MTPN: variants seen among roughly 807,000 people sequenced by gnomAD.
MTPN encodes granule cell differentiation protein.
Under a neutral mutation model 13.5 loss-of-function variants are expected in MTPN, and 2 were observed. That is an observed-to-expected ratio of 0.15 (90% confidence interval 0.06 to 0.47). MTPN has a LOEUF of 0.47. MTPN is among the 20% of genes least tolerant of loss of function. MTPN has a pLI of 0.97. For missense variants in MTPN, 79 were observed against 137.9 expected (o/e 0.57, Z 2.14); for synonymous variants, 46 against 51.7 (o/e 0.89, Z 0.48).
intron 1 of MTPN, among the ~76,000 whole-genome samples, chr7:135,956,463 T>C (rs1394263756): frequency 1.3e-5 from 2 of 152,232 alleles, no homozygotes; most frequent in Non-Finnish European, 2.9e-5. Flanking sequence ...CCTTTTCCTC[T>C]GGCTCTTCCA....
In MTPN at chr7:135,972,229, G is replaced by A. The variant is rs571694156; in HGVS notation, c.72+4800C>T. Among the ~76,000 whole-genome samples the A allele has an allele frequency of 2.3e-3, 273 of 117,390 alleles. 2 individuals carry two copies. The highest frequency in any genetic ancestry group is 8.2e-3 in the African/African-American group (252 of 30,754). 77.0% of individuals were successfully genotyped at this position (117,390 alleles called of 152,430 possible). A position where few individuals can be genotyped will look rare whatever the true frequency, so the allele number is the denominator to read the frequency against. ...TACACACGCGCACACGCGCACGCGC[G>A]CGCACACACACACACACACACACAC... On this transcript the variant is annotated intron_variant, in intron 1 of 3. Coordinates refer to ENST00000393085, the MANE Select transcript of MTPN (RefSeq NM_145808.4).
At chr7:135,940,618 G>T (rs1287797823) in intron 3 of MTPN, among the ~76,000 whole-genome samples, 3 of 152,104 alleles carry the variant, frequency 2.0e-5, no homozygotes, top group Non-Finnish European at 4.4e-5. Flanking sequence ...CTTGCCCAAG[G>T]TCAGTCAACA....
intron 3 of MTPN, among the ~76,000 whole-genome samples, chr7:135,939,369 C>G (rs905674041): frequency 6.6e-6 from 1 of 152,048 alleles, no homozygotes; most frequent in Non-Finnish European, 1.5e-5. Flanking sequence ...GCATCTGACA[C>G]AACCCACTTC....
At chr7:135,941,770 A>C (rs1045955277) in intron 3 of MTPN, among the ~76,000 whole-genome samples, 2 of 152,302 alleles carry the variant, frequency 1.3e-5, no homozygotes, top group Middle Eastern at 6.8e-3. Context: ...TAGAAAGATC[A>C]TTTCAAGGTT....
At chr7:135,931,279 T>C (rs759771942) in intron 3 of MTPN, among the ~76,000 whole-genome samples, 4 of 152,046 alleles carry the variant, frequency 2.6e-5, no homozygotes, top group Non-Finnish European at 4.4e-5. Context: ...AACACAACAC[T>C]ATGGGAAGAG....
At chr7:135,954,225 AG>A (rs1799406554) in intron 1 of MTPN, among the ~76,000 whole-genome samples, 1 of 152,222 alleles carries the variant, frequency 6.6e-6, no homozygotes, top group South Asian at 2.1e-4. Flanking sequence ...TGTTTAATGA[AG>A]GCTATTATAT....
intron 1 of MTPN, among the ~76,000 whole-genome samples, chr7:135,966,458 T>A (rs1381105511): frequency 6.6e-6 from 1 of 152,062 alleles, no homozygotes; most frequent in African/African-American, 2.4e-5. Flanking sequence ...TGATTTTGAC[T>A]TTGAAAGCTC....
intron 3 of MTPN, among the ~76,000 whole-genome samples, chr7:135,939,592 GTGC>G (rs1562929855): frequency 3.6e-3 from 163 of 44,792 alleles, no homozygotes; most frequent in Middle Eastern, 0.013. Context: ...GGGGGGGCGG[GTGC>G]GTGGGGCGGG....
chr7:135,938,487 A>G (rs1478026933), intron 3 of MTPN, among the ~76,000 whole-genome samples: 1 of 152,252 alleles, frequency 6.6e-6, no homozygotes, highest in African/African-American at 2.4e-5. Context: ...TTAACATTTT[A>G]TGACAGACAC....
chr7:135,938,143 G>A (rs1409682015), intron 3 of MTPN, among the ~76,000 whole-genome samples: 1 of 152,116 alleles, frequency 6.6e-6, no homozygotes, highest in Admixed American at 6.6e-5. Flanking sequence ...TGTAATTATT[G>A]TGCTATTATT....
chr7:135,962,299 T>C (rs1407154265), intron 1 of MTPN, among the ~76,000 whole-genome samples: 1 of 148,802 alleles, frequency 6.7e-6, no homozygotes, highest in African/African-American at 2.5e-5. Flanking sequence ...AAAGTAAACA[T>C]AAGAAAAAAA....
chr7:135,951,877 G>A (rs922461911), intron 1 of MTPN, among the ~76,000 whole-genome samples: 6 of 152,078 alleles, frequency 3.9e-5, no homozygotes, highest in South Asian at 2.1e-4. Flanking sequence ...TAAATATAAC[G>A]AAATACATTA....
chr7:135,936,254 G>A (rs1799113345), intron 3 of MTPN, among the ~76,000 whole-genome samples: 1 of 152,216 alleles, frequency 6.6e-6, no homozygotes, highest in South Asian at 2.1e-4. Flanking sequence ...GGAGGCCAGG[G>A]TGGGCAGATC....
intron 3 of MTPN, chr7:135,932,491 C>T (rs551604140): frequency 6.6e-6 from 1 of 152,002 alleles, no homozygotes; most frequent in South Asian, 2.1e-4. Flanking sequence ...TCACCTTTTT[C>T]CTAATTATGA....
chr7:135,973,778 AT>A (rs963846238), intron 1 of MTPN, among the ~76,000 whole-genome samples: 20 of 151,970 alleles, frequency 1.3e-4, no homozygotes, highest in Non-Finnish European at 2.8e-4. Context: ...AAAAGTATGA[AT>A]TTTTTTTCAC....
chr7:135,975,859 TA>T (rs1799765829), intron 1 of MTPN, among the ~76,000 whole-genome samples: 3 of 152,196 alleles, frequency 2.0e-5, no homozygotes, highest in African/African-American at 7.2e-5. Flanking sequence ...GTAATGGCAT[TA>T]AATAAAGTAA....
Position 135,972,221 on chromosome 7 carries a change from G to A in MTPN, c.72+4808C>T, listed in dbSNP as rs746979652. Among the ~76,000 whole-genome samples, 94 of 96,216 alleles carry A rather than the reference G, an allele frequency of 9.8e-4. 1 individual carries two copies. The highest frequency in any genetic ancestry group is 3.3e-3 in the African/African-American group (83 of 25,166). 63.1% of individuals were successfully genotyped at this position (96,216 alleles called of 152,430 possible). On this transcript the variant is annotated intron_variant, in intron 1 of 3. Coordinates refer to ENST00000393085, the MANE Select transcript of MTPN (RefSeq NM_145808.4). ...GTTATAAATACACACGCGCACACGC[G>A]CACGCGCGCGCACACACACACACAC...
intron 3 of MTPN, among the ~76,000 whole-genome samples, chr7:135,936,667 G>A (rs1799119118): frequency 6.6e-6 from 1 of 152,136 alleles, no homozygotes; most frequent in African/African-American, 2.4e-5. Context: ...TTATTTTCAG[G>A]TAATTGCAAC....
intron 3 of MTPN, among the ~76,000 whole-genome samples, chr7:135,944,922 C>T (rs1405829443): frequency 6.6e-6 from 1 of 152,102 alleles, no homozygotes; most frequent in Non-Finnish European, 1.5e-5. Context: ...ATTGTGTGAA[C>T]ATCATAGAGT....
Sources: allele counts gnomAD v4.1 joint callset (sites outside exome capture counted in the v4.1 genomes callset), GRCh38; gene constraint gnomAD v4.1.1; transcripts MANE v1.5; gene names NCBI Gene and HGNC (gene_info 2026-07-23, HGNC 2026-07-21).